Variants in HNF4G observed in about 807,000 individuals in gnomAD.
HNF4G encodes hepatocyte nuclear factor 4 gamma.
A neutral mutation model predicts 50.9 loss-of-function variants in HNF4G; 21 were observed. That is an observed-to-expected ratio of 0.41 (90% CI 0.29 to 0.59). HNF4G has a LOEUF of 0.59. HNF4G is among the 20% of genes least tolerant of loss of function. HNF4G has a pLI of 0.26. For missense variants in HNF4G, 527 were observed against 559.4 expected (o/e 0.94, Z 0.58); for synonymous variants, 198 against 185.6 (o/e 1.07, Z -0.54).
chr8:75,562,687 T>C (rs1807348671), intron 9 of HNF4G, among the ~76,000 whole-genome samples: 1 of 152,214 alleles, frequency 6.6e-6, no homozygotes, highest in Admixed American at 6.5e-5. Context: ...TTGCTGACCC[T>C]AGTCTTTTAA....
chr8:75,522,249 GA>G (rs1209404152), intron 2 of HNF4G, among the ~76,000 whole-genome samples: 3 of 152,284 alleles, frequency 2.0e-5, no homozygotes, highest in Admixed American at 2.0e-4. Context: ...TCTGACTGTG[GA>G]GATAGTGGGA....
At chr8:75,454,257 G>T (rs1811665107) in intron 1 of HNF4G, among the ~76,000 whole-genome samples, 1 of 152,120 alleles carries the variant, frequency 6.6e-6, no homozygotes, top group South Asian at 2.1e-4. Context: ...ACAGTCTCAA[G>T]AACCGAGAGA....
At chr8:75,500,093 G>A (rs988538437) in intron 2 of HNF4G, among the ~76,000 whole-genome samples, 5 of 152,036 alleles carry the variant, frequency 3.3e-5, no homozygotes, top group South Asian at 2.1e-4. Flanking sequence ...ACAATTCATC[G>A]AATGGGAGAT....
chr8:75,458,144 A>G (rs1376019913), intron 1 of HNF4G, among the ~76,000 whole-genome samples: 1 of 152,040 alleles, frequency 6.6e-6, no homozygotes. Flanking sequence ...GTAGGTGGTT[A>G]GGTTTAGATA....
chr8:75,410,427 G>C (rs1290461177), intron 1 of HNF4G, among the ~76,000 whole-genome samples: 1 of 152,118 alleles, frequency 6.6e-6, no homozygotes, highest in African/African-American at 2.4e-5. Context: ...TGGGGAGTTC[G>C]GGAATTTTTC....
intron 1 of HNF4G, among the ~76,000 whole-genome samples, chr8:75,487,335 A>C (rs1051102839): frequency 2.6e-5 from 4 of 152,144 alleles, no homozygotes; most frequent in African/African-American, 9.7e-5. Context: ...ATTTCGGGAT[A>C]GACACATATT....
At chr8:75,520,782 T>C (rs1806020018) in intron 2 of HNF4G, among the ~76,000 whole-genome samples, 1 of 152,180 alleles carries the variant, frequency 6.6e-6, no homozygotes, top group Non-Finnish European at 1.5e-5. Flanking sequence ...TGTTTCTTTT[T>C]TTCTTCTACT....
intron 2 of HNF4G, among the ~76,000 whole-genome samples, chr8:75,515,745 CA>C (rs1349598537): frequency 6.7e-6 from 1 of 150,124 alleles, no homozygotes; most frequent in East Asian, 1.9e-4. Flanking sequence ...GGATAATGAC[CA>C]CTGACATTCA....
At chr8:75,556,436 AC>A (rs1242218676) in intron 6 of HNF4G, among the ~76,000 whole-genome samples, 1 of 152,198 alleles carries the variant, frequency 6.6e-6, no homozygotes, top group Admixed American at 6.5e-5. Flanking sequence ...TTTTTATTTT[AC>A]ACACTTTAAA....
At chr8:75,500,278 C>T (rs117446188) in intron 2 of HNF4G, among the ~76,000 whole-genome samples, 3,935 of 152,172 alleles carry the variant, frequency 0.026, 82 homozygotes, top group Admixed American at 0.048. Flanking sequence ...AAATGTCCAA[C>T]ATCGTTAGTC....
Position 75,515,546 on chromosome 8 carries a change from G to C in HNF4G, c.-24+25338G>C, listed in dbSNP as rs182183183. On this transcript the variant is annotated intron_variant, in intron 2 of 10. Transcript: ENST00000354370. ...TAGTGTGATTTAGTCCAGTCTAAAG[G>C]CCTGAGAACTGTGAAGGGGAGGGAG... is the stretch of plus-strand genomic sequence containing the variant. 2.9e-3 allele frequency among the ~76,000 whole-genome samples: 438 copies of C among 152,254 alleles called. 4 individuals carry two copies. The highest frequency in any genetic ancestry group is 9.5e-3 in the African/African-American group (396 of 41,554).
At chr8:75,484,444 G>T (rs1349803187) in intron 1 of HNF4G, among the ~76,000 whole-genome samples, 1 of 152,150 alleles carries the variant, frequency 6.6e-6, no homozygotes. Context: ...CAAGGCTTCT[G>T]CCCATCTCAA....
At chr8:75,519,842 G>GTT (rs1342845519) in intron 2 of HNF4G, among the ~76,000 whole-genome samples, 1 of 148,502 alleles carries the variant, frequency 6.7e-6, no homozygotes, top group Non-Finnish European at 1.5e-5. Flanking sequence ...ATGTGAGCGT[G>GTT]TGTGTGTGTG....
intron 6 of HNF4G, among the ~76,000 whole-genome samples, chr8:75,558,121 C>T (rs2130812640): frequency 6.6e-6 from 1 of 152,178 alleles, no homozygotes; most frequent in Non-Finnish European, 1.5e-5. Flanking sequence ...TATCAAAGTG[C>T]TGTTTTTAAT....
chr8:75,565,509 G>C lies in HNF4G; in HGVS notation c.*1413G>C, dbSNP rs918594458. The C allele has an allele frequency of 6.6e-6, 1 of 152,128 alleles. No homozygotes were observed. The highest frequency in any genetic ancestry group is 1.5e-5 in the Non-Finnish European group (1 of 68,022). 9.4% of individuals were successfully genotyped at this position (152,128 alleles called of 1,614,324 possible). A position where few individuals can be genotyped will look rare whatever the true frequency, so the allele number is the denominator to read the frequency against. On this transcript the variant is annotated 3_prime_UTR_variant, in exon 10 of 10. Transcript: ENST00000396423. ...ATGTCGAATTCTAGACTGAGGAGTA[G>C]AGTTCATTGGAGTCTTAAACTCTCT...
chr8:75,542,703 C>A (rs1351287981), intron 1 of HNF4G, among the ~76,000 whole-genome samples: 1 of 151,942 alleles, frequency 6.6e-6, no homozygotes, highest in Non-Finnish European at 1.5e-5. Flanking sequence ...CTGGTTACGA[C>A]AGGGTTGGAT....
At chr8:75,500,821 A>G (rs1812907800) in intron 2 of HNF4G, among the ~76,000 whole-genome samples, 1 of 152,128 alleles carries the variant, frequency 6.6e-6, no homozygotes, top group African/African-American at 2.4e-5. Context: ...AAAATTTAAT[A>G]GAGAAAGAAT....
rs368622853 is a variant in HNF4G, at chr8:75,444,817, A to C, written c.-144+36655A>C. ...ACCTACAAAGAGACTTAGACTCCCA[A>C]ACATTAATAATGGGAGACTTTAACA... On this transcript the variant is annotated intron_variant, in intron 1 of 10. Transcript: ENST00000354370. Among the ~76,000 whole-genome samples the C allele has an allele frequency of 1.0e-4, 10 of 97,346 alleles. No individual in the cohort carries two copies. In the South Asian group the frequency reaches 1.8e-3, roughly 17 times the overall value. 63.9% of individuals were successfully genotyped at this position (97,346 alleles called of 152,430 possible).
chr8:75,456,217 G>A (rs1053365624), intron 1 of HNF4G, among the ~76,000 whole-genome samples: 35 of 151,934 alleles, frequency 2.3e-4, no homozygotes, highest in African/African-American at 8.2e-4. Context: ...TGCAAAATTC[G>A]ACATAATATT....
Sources: gnomAD v4.1 joint callset for allele counts (sites outside exome capture counted in the v4.1 genomes callset) on GRCh38, gnomAD v4.1.1 for gene constraint, MANE v1.5 for transcripts, NCBI Gene and HGNC (gene_info 2026-07-23, HGNC 2026-07-21) for gene names.